Variants in LRRC15 observed in about 807,000 individuals in gnomAD.
LRRC15 encodes the protein leucine rich repeat containing 15.
LRRC15 carries 5 observed loss-of-function variants against 4.3 expected under a neutral mutation model. That is an observed-to-expected ratio of 1.16 (90% CI 0.61 to 2.44). The LOEUF is 2.44. Among genes scored for constraint, LRRC15 ranks in the 30% most tolerant of loss-of-function variants. LRRC15 has a pLI of 0.01. For synonymous variants in LRRC15, 337 were observed against 323.2 expected (o/e 1.04, Z -0.46); for missense variants, 769 against 747.0 (o/e 1.03, Z -0.34).
chr3:194,364,495 C>T lies in LRRC15; in HGVS notation c.-3-3449G>A, dbSNP rs112379786. Among the ~76,000 whole-genome samples, 1,211 of 152,224 alleles carry T rather than the reference C, an allele frequency of 8.0e-3. 22 individuals carry two copies. Among genetic ancestry groups the T allele is most frequent in the African/African-American group, 0.027 (1,141 of 41,538 alleles). ...TGCATGTCACCTGGCCAGCCCAGGG[C>T]AATCTTGAGTTTCCCCATCTATGAA... On this transcript the variant is annotated intron_variant, in intron 1 of 1. Coordinates refer to ENST00000347624, the MANE Select transcript of LRRC15 (RefSeq NM_130830.5).
At chr3:194,368,433 C>T (rs1174965362) in intron 1 of LRRC15, among the ~76,000 whole-genome samples, 1 of 152,212 alleles carries the variant, frequency 6.6e-6, no homozygotes, top group Non-Finnish European at 1.5e-5. Context: ...AACCCTCTCA[C>T]ATGCCTGCCT....
chr3:194,367,816 C>A (rs1713825610), intron 1 of LRRC15, among the ~76,000 whole-genome samples: 1 of 152,254 alleles, frequency 6.6e-6, no homozygotes, highest in Non-Finnish European at 1.5e-5. Flanking sequence ...CTCTCATGGC[C>A]CTTCAAAGCC....
Position 194,360,983 on chromosome 3 carries a change from C to T in LRRC15, c.61G>A (p.Ala21Thr). The T allele has an allele frequency of 6.4e-7, 1 of 1,553,416 alleles. No individual in the cohort carries two copies. The change falls in exon 2 of 2, where the codon GCC becomes ACC. Residue 21 changes from alanine (A) to threonine (T), a missense_variant. By Grantham distance (58) the Ala-to-Thr change is moderately conservative. Coordinates refer to ENST00000347624, the MANE Select transcript of LRRC15 (RefSeq NM_130830.5). ...VGCQAWGAGL[A>T]YHGCPSECTC... ...CACTCGCTAGGGCAGCCATGGTAGG[C>T]CAACCCTGCACCCCAGGCTTGGCAG...
intron 1 of LRRC15, among the ~76,000 whole-genome samples, chr3:194,367,451 TG>T (rs1161311037): frequency 6.6e-6 from 1 of 152,130 alleles, no homozygotes; most frequent in East Asian, 1.9e-4. Context: ...GGACTACAGG[TG>T]CCCGCCACCA....
At chr3:194,362,918 A>C in intron 1 of LRRC15, among the ~76,000 whole-genome samples, 1 of 146,100 alleles carries the variant, frequency 6.8e-6, no homozygotes, top group African/African-American at 2.6e-5. Context: ...CCCATTCCCC[A>C]ACCACACAGA....
intron 1 of LRRC15, among the ~76,000 whole-genome samples, chr3:194,365,595 C>T (rs552050417): frequency 3.9e-4 from 59 of 152,216 alleles, no homozygotes; most frequent in African/African-American, 1.3e-3. Context: ...TCAGTAAAGA[C>T]GTCCAAGGGC....
At chr3:194,368,673 T>C (rs9863231) in intron 1 of LRRC15, among the ~76,000 whole-genome samples, 121,745 of 151,936 alleles carry the variant, frequency 0.8, 49,237 homozygotes, top group East Asian at 0.97. Context: ...GACAGGCACC[T>C]GGCACCTGCG....
chr3:194,366,636 C>A lies in LRRC15; in HGVS notation c.-4+3025G>T, dbSNP rs1194233867. Among the ~76,000 whole-genome samples, 3 of 152,160 alleles carry A rather than the reference C, an allele frequency of 2.0e-5. No homozygotes were observed. In the East Asian group the frequency reaches 5.9e-4, roughly 30 times the overall value. On this transcript the variant is annotated intron_variant, in intron 1 of 1. Transcript: ENST00000347624. ...TCCTGCCACAGGCCTGGCCCCATCC[C>A]TCTACCAATATTTCTCTCAGCGGCC...
Position 194,358,502 on chromosome 3 carries a change from C to T in LRRC15, c.*796G>A, listed in dbSNP as rs912513198. The T allele has an allele frequency of 6.6e-6, 1 of 152,272 alleles. No individual in the cohort carries two copies. The highest frequency in any genetic ancestry group is 2.4e-5 in the African/African-American group (1 of 41,440). The allele number at this position is 152,272 out of a possible 1,614,324, so 9.4% of individuals were successfully genotyped here. On this transcript the variant is annotated 3_prime_UTR_variant, in exon 2 of 2. Coordinates refer to ENST00000347624, the MANE Select transcript of LRRC15 (RefSeq NM_130830.5). ...GTCCAAAATTCTACATGATTTCATT[C>T]CTTAAAGGGCTAAACTTTTCAAAGC... is the stretch of plus-strand genomic sequence containing the variant.
At chr3:194,363,466 C>T in intron 1 of LRRC15, 1 of 621,406 alleles carries the variant, frequency 1.6e-6, no homozygotes, top group Non-Finnish European at 2.9e-6. Flanking sequence ...AACCCAGCAA[C>T]AGAAAACAAG....
chr3:194,363,565 G>A (rs1011631262), intron 1 of LRRC15, among the ~76,000 whole-genome samples: 4 of 152,186 alleles, frequency 2.6e-5, no homozygotes, highest in Non-Finnish European at 4.4e-5. Context: ...ACAAAGGAAG[G>A]AGGCTGCCCA....
rs375760362 is a variant in LRRC15 at position 194,365,717 on chromosome 3, C to T, written c.-4+3944G>A. 7.2e-5 allele frequency among the ~76,000 whole-genome samples: 11 copies of T among 152,274 alleles called. No individual in the cohort carries two copies. The East Asian group carries it at 1.6e-3, about 21-fold the overall frequency. On this transcript the variant is annotated intron_variant, in intron 1 of 1. Coordinates refer to ENST00000347624, the MANE Select transcript of LRRC15 (RefSeq NM_130830.5). ...GGACCTGCTGGACCTCCAGCAGGGC[C>T]GCCCGGCCCGGCTCCAGCTTCATGC...
In LRRC15 at chr3:194,359,215, T is replaced by C. The variant is rs981964102; in HGVS notation, c.*83A>G. 5.3e-6 allele frequency: 7 copies of C among 1,331,204 alleles called. No individual in the cohort carries two copies. The African/African-American group carries it at 7.3e-5, about 14-fold the overall frequency. 82.5% of individuals were successfully genotyped at this position (1,331,204 alleles called of 1,614,324 possible). On this transcript the variant is annotated 3_prime_UTR_variant, in exon 2 of 2. Transcript: ENST00000347624. ...AAAGAGCAATCACGGGAAAGCTCCA[T>C]GGACCCAGGGGTGGAGGCAGAAAGA...
intron 1 of LRRC15, chr3:194,363,243 C>A (rs576232170): frequency 1.2e-4 from 65 of 553,506 alleles, no homozygotes; most frequent in Non-Finnish European, 2.0e-4. Context: ...CCGGCCAAGA[C>A]CTTGATTTTT....
At chr3:194,367,987 A>G (rs1418573181) in intron 1 of LRRC15, among the ~76,000 whole-genome samples, 2 of 152,252 alleles carry the variant, frequency 1.3e-5, no homozygotes, top group East Asian at 1.9e-4. Flanking sequence ...CAAACCGCCC[A>G]GCAGAACAGG....
At position 194,363,328 on chromosome 3, in the gene LRRC15, A is replaced by C. The variant is rs528507066; in HGVS notation, c.-3-2282T>G. On this transcript the variant is annotated intron_variant, in intron 1 of 1. Coordinates refer to ENST00000347624, the MANE Select transcript of LRRC15 (RefSeq NM_130830.5). ...AAGAACTTGACTAAGCATATAGAAC[A>C]ATGGAAACAAGAAAGGAAAAAGAAT... 403 of 711,298 alleles carry C rather than the reference A, an allele frequency of 5.7e-4. 4 individuals are homozygous for C. The South Asian group carries it at 6.0e-3, about 11-fold the overall frequency. 44.1% of individuals were successfully genotyped at this position (711,298 alleles called of 1,614,324 possible).
rs901258973 is a variant in LRRC15 at position 194,359,346 on chromosome 3, C to A, written c.1698G>T (p.Lys566Asn). 8 of 1,613,400 alleles carry A rather than the reference C, an allele frequency of 5.0e-6. No homozygotes were observed. In the African/African-American group the frequency reaches 6.7e-5, roughly 13 times the overall value. The change falls in exon 2 of 2, where the codon AAG (lysine) becomes AAT (asparagine). Residue 566 changes from lysine to asparagine, a missense_variant. Transcript: ENST00000347624. ...AACVGCCCCK[K>N]RSQAVLMQMK... Reference sequence around the variant, plus strand: ...TCTGCATCAGGACAGCTTGGCTCCTCTTCTTGCAGCAGCAACAGCCGACGC... The same window carrying A: ...TCTGCATCAGGACAGCTTGGCTCCTATTCTTGCAGCAGCAACAGCCGACGC...
intron 1 of LRRC15, chr3:194,363,520 C>A (rs138073243): frequency 0.027 from 12,871 of 469,466 alleles, 222 homozygotes; most frequent in Non-Finnish European, 0.035. Context: ...CAATATTCAC[C>A]CTAGGAGAAG....
Position 194,359,373 on chromosome 3 carries a change from G to A in LRRC15, c.1671C>T (p.Ala557=). The A allele has an allele frequency of 6.2e-7, 1 of 1,614,126 alleles. No homozygotes were observed. Among genetic ancestry groups the A allele is most frequent in the Middle Eastern group, 1.6e-4 (1 of 6,062 alleles). ...TCTTGCAGCAGCAACAGCCGACGCA[G>A]GCAGCCAGGGAGCAGGCCAGGGCGA... The part of the protein sequence containing the change: ...GIVALACSLA[A]CVGCCCCKKR... Residue 557 remains alanine, a synonymous_variant, in exon 2 of 2, where the codon GCC becomes GCT. Coordinates refer to ENST00000347624, the MANE Select transcript of LRRC15 (RefSeq NM_130830.5).
Sources: gnomAD v4.1 joint callset for allele counts (sites outside exome capture counted in the v4.1 genomes callset) on GRCh38, gnomAD v4.1.1 for gene constraint, MANE v1.5 for transcripts, NCBI Gene and HGNC (gene_info 2026-07-23, HGNC 2026-07-21) for gene names.